ZNF107: variants seen among roughly 807,000 people sequenced by gnomAD.
ZNF107 encodes the protein zinc finger protein 107.
A neutral mutation model predicts 12.3 loss-of-function variants in ZNF107; 19 were observed. The ratio of observed to expected loss-of-function variants is 1.55; its 90% CI spans 1.08 to 2.27. The LOEUF (loss-of-function observed/expected upper bound fraction) is 2.27, where lower values mean the gene tolerates loss of function less well. Ranked by LOEUF, ZNF107 falls within the 30% of genes most tolerant of loss-of-function variation. ZNF107 has a pLI of 0.00. For synonymous variants in ZNF107, 317 were observed against 330.5 expected, an observed-to-expected ratio of 0.96 and a Z score of 0.44; for missense variants, 958 against 979.9, an observed-to-expected ratio of 0.98 and a Z score of 0.30.
At chr7:64,684,992 A>G (rs1562831314) in intron 1 of ZNF107, among the ~76,000 whole-genome samples, 1 of 152,148 alleles carries the variant, frequency 6.6e-6, no homozygotes, top group Non-Finnish European at 1.5e-5. Context: ...CCCACAAAAA[A>G]CTGGGTAGTT....
chr7:64,690,466 C>T (rs1170002358), intron 1 of ZNF107: 2 of 982,702 alleles, frequency 2.0e-6, no homozygotes, highest in African/African-American at 1.8e-5. Context: ...TGGCTGGTGC[C>T]TTTCCGGAGT....
At chr7:64,678,332 G>A (rs929359698) in intron 1 of ZNF107, among the ~76,000 whole-genome samples, 2 of 152,170 alleles carry the variant, frequency 1.3e-5, no homozygotes, top group East Asian at 1.9e-4. Flanking sequence ...ATTATCCAAC[G>A]TAATTATCTA....
Position 64,691,283 on chromosome 7 carries a change from C to T in ZNF107, c.39C>T (p.Phe13=), listed in dbSNP as rs1278103474. 8 of 1,549,042 alleles carry T rather than the reference C, an allele frequency of 5.2e-6. No homozygotes were observed. The highest frequency in any genetic ancestry group is 7.0e-6 in the Non-Finnish European group (8 of 1,149,540). Residue 13 remains phenylalanine (F), a synonymous_variant, in exon 2 of 4, where the codon TTC becomes TTT. Coordinates refer to ENST00000620827, the MANE Select transcript of ZNF107 (RefSeq NM_001282359.2). Reference sequence around the variant, plus strand: ...CATTTAAAGATGTCGCCATAGAATTCTCTCTGGAGGAGTGGCAATGCCTGG... The same window carrying T: ...CATTTAAAGATGTCGCCATAGAATTTTCTCTGGAGGAGTGGCAATGCCTGG... The part of the protein sequence containing the change: ...PLTFKDVAIE[F]SLEEWQCLDT...
At chr7:64,669,427 AATAC>A (rs1789136554) in intron 1 of ZNF107, among the ~76,000 whole-genome samples, 1 of 152,234 alleles carries the variant, frequency 6.6e-6, no homozygotes, top group Non-Finnish European at 1.5e-5. Context: ...ATAATAGAAT[AATAC>A]ATTTATCGTC....
intron 1 of ZNF107, among the ~76,000 whole-genome samples, chr7:64,681,327 G>A (rs879726101): frequency 5.9e-5 from 9 of 151,878 alleles, no homozygotes; most frequent in South Asian, 2.1e-4. Flanking sequence ...GGGAATTGAC[G>A]GCAAAGCCTC....
intron 1 of ZNF107, among the ~76,000 whole-genome samples, chr7:64,684,213 C>T (rs1789807242): frequency 6.6e-6 from 1 of 152,162 alleles, no homozygotes; most frequent in African/African-American, 2.4e-5. Flanking sequence ...CAGGTATAGC[C>T]CATTCGAACT....
chr7:64,689,819 A>G (rs957260044), intron 1 of ZNF107: 1 of 152,192 alleles, frequency 6.6e-6, no homozygotes, highest in African/African-American at 2.4e-5. Flanking sequence ...CCTCTGTCTC[A>G]GTGTAAGAGA....
chr7:64,697,892 C>T (rs1453535179), intron 3 of ZNF107, among the ~76,000 whole-genome samples: 1 of 152,086 alleles, frequency 6.6e-6, no homozygotes, highest in Non-Finnish European at 1.5e-5. Flanking sequence ...CGGGGTTTCA[C>T]CGTGGTCTCG....
chr7:64,676,880 G>T (rs1434441875), intron 1 of ZNF107, among the ~76,000 whole-genome samples: 3 of 151,810 alleles, frequency 2.0e-5, no homozygotes, highest in African/African-American at 2.4e-5. Flanking sequence ...AAAAATTCAG[G>T]TTCCCTGCAT....
chr7:64,687,619 T>C, intron 1 of ZNF107: 1 of 968,514 alleles, frequency 1.0e-6, no homozygotes, highest in Non-Finnish European at 1.2e-6. Context: ...TATTTTGTCA[T>C]TGATTATAAC....
chr7:64,686,690 C>A, intron 1 of ZNF107: 1 of 966,986 alleles, frequency 1.0e-6, no homozygotes, highest in Non-Finnish European at 1.2e-6. Flanking sequence ...CAACCAAAAA[C>A]CACAAAAGAA....
intron 1 of ZNF107, among the ~76,000 whole-genome samples, chr7:64,687,735 C>T (rs985587753): frequency 1.1e-4 from 17 of 152,220 alleles, no homozygotes; most frequent in African/African-American, 2.9e-4. Context: ...TTATTGTGAC[C>T]GTCTTTCTGT....
Position 64,691,148 on chromosome 7 carries a change from A to G in ZNF107, c.4-100A>G, listed in dbSNP as rs1790103717. The G allele has an allele frequency of 3.6e-6, 4 of 1,123,560 alleles. No homozygotes were observed. In the East Asian group the frequency reaches 1.5e-4, roughly 43 times the overall value. 69.6% of individuals were successfully genotyped at this position (1,123,560 alleles called of 1,614,324 possible). A position where few individuals can be genotyped will look rare whatever the true frequency, so the allele number is the denominator to read the frequency against. On this transcript the variant is annotated intron_variant, in intron 1 of 3. Transcript: ENST00000620827. ...TGGCCTCCCAAAGTGCTGGGATTAC[A>G]GGCATGAACCACAGTACCCGACTAT...
At chr7:64,694,680 A>AT (rs1386710449) in intron 3 of ZNF107, among the ~76,000 whole-genome samples, 7 of 151,500 alleles carry the variant, frequency 4.6e-5, no homozygotes, top group African/African-American at 1.7e-4. Flanking sequence ...TCATAAATAC[A>AT]TTTTTTTTGG....
intron 1 of ZNF107, chr7:64,684,475 C>T (rs1323252038): frequency 4.6e-6 from 3 of 652,324 alleles, no homozygotes; most frequent in African/African-American, 2.0e-5. Flanking sequence ...ACAAGATCCT[C>T]CTCAGTGGAT....
At chr7:64,688,443 A>AG (rs891818844) in intron 1 of ZNF107, among the ~76,000 whole-genome samples, 12 of 151,750 alleles carry the variant, frequency 7.9e-5, no homozygotes, top group Non-Finnish European at 1.5e-4. Flanking sequence ...GTTTAGTGGA[A>AG]GGGGGGGTTT....
chr7:64,672,590 T>C (rs1789273647), intron 1 of ZNF107, among the ~76,000 whole-genome samples: 1 of 152,192 alleles, frequency 6.6e-6, no homozygotes. Flanking sequence ...TTTGAACTTT[T>C]GAGTTCCGCA....
At chr7:64,682,158 T>C (rs950629240) in intron 1 of ZNF107, among the ~76,000 whole-genome samples, 8 of 151,772 alleles carry the variant, frequency 5.3e-5, no homozygotes, top group African/African-American at 1.5e-4. Context: ...CAACAGAATA[T>C]CCTCCTACTC....
rs1562845215 is a variant in ZNF107, at chr7:64,706,597, A to G, written c.500A>G (p.His167Arg). Residue 167 changes from histidine (H) to arginine (R), a missense_variant, in exon 4 of 4, where the codon CAT becomes CGT. Transcript: ENST00000620827. ...AATTCAAATAGATATAAGAGAAGAC[A>G]TACAGGAAACAAACACTTCAAATGT... ...FSNSNRYKRRHTGNKHFKCKE... is the reference protein window; with the variant it reads ...FSNSNRYKRRRTGNKHFKCKE... 1 of 1,612,928 alleles carries G rather than the reference A, an allele frequency of 6.2e-7. No homozygotes were observed. Among genetic ancestry groups the G allele is most frequent in the East Asian group, 2.2e-5 (1 of 44,848 alleles).
Sources: gnomAD v4.1 joint callset for allele counts (sites outside exome capture counted in the v4.1 genomes callset) on GRCh38, gnomAD v4.1.1 for gene constraint, MANE v1.5 for transcripts, NCBI Gene and HGNC (gene_info 2026-07-23, HGNC 2026-07-21) for gene names.